Variants in EPHA10 observed in about 807,000 individuals in gnomAD.
EPHA10 encodes EPH receptor A10, also known as ephrin type-A receptor 10.
EPHA10 carries 120 observed loss-of-function variants against 109.7 expected under a neutral mutation model. The observed-to-expected ratio is 1.09, with a 90% confidence interval of 0.94 to 1.27. The LOEUF (loss-of-function observed/expected upper bound fraction) is 1.27. EPHA10 is among the 50% of genes most tolerant of loss of function. EPHA10 has a pLI of 0.00. For synonymous variants in EPHA10, 640 were observed against 618.9 expected, an observed-to-expected ratio of 1.03 and a Z score of -0.51; for missense variants, 1,396 against 1,411.1, an observed-to-expected ratio of 0.99 and a Z score of 0.17.
chr1:37,761,678 G>T lies in EPHA10; in HGVS notation c.577C>A (p.Gln193Lys). The change falls in exon 3 of 17, where the codon CAG becomes AAG. Residue 193 changes from glutamine to lysine, a missense_variant. Coordinates refer to ENST00000373048, the MANE Select transcript of EPHA10 (RefSeq NM_001099439.2). ...AGCGCCACGCATGCGCCCACGTCCT[G>T]AAAGGCCAGGTGGAAACCCCGCCGG... The part of the protein sequence containing the change: ...LSRRGFHLAF[Q>K]DVGACVALVS... 1.2e-6 allele frequency: 2 copies of T among 1,611,638 alleles called. No individual in the cohort carries two copies. Among genetic ancestry groups the T allele is most frequent in the Non-Finnish European group, 1.7e-6 (2 of 1,179,856 alleles).
At chr1:37,715,406 C>T (rs1015375760), downstream of EPHA10, among the ~76,000 whole-genome samples, 2 of 152,134 alleles carry the variant, frequency 1.3e-5, no homozygotes, top group African/African-American at 4.8e-5. Context: ...TCCCACTGCT[C>T]CCCTTCATCC....
chr1:37,718,209 AGG>A lies in EPHA10; in HGVS notation c.*161_*162del. On this transcript the variant is annotated 3_prime_UTR_variant, in exon 17 of 17. Coordinates refer to ENST00000373048, the MANE Select transcript of EPHA10 (RefSeq NM_001099439.2). ...TCAGACTCGTGAAAATGGGAGGGGC[AGG>A]CAGTGAAAGCGGGGAAGCTGTGGCC... is the stretch of plus-strand genomic sequence containing the variant. 1 of 637,136 alleles carries A rather than the reference AGG, an allele frequency of 1.6e-6. No individual in the cohort carries two copies. Among genetic ancestry groups the A allele is most frequent in the Non-Finnish European group, 2.8e-6 (1 of 360,576 alleles). 39.5% of individuals were successfully genotyped at this position (637,136 alleles called of 1,614,324 possible).
intron 5 of EPHA10, among the ~76,000 whole-genome samples, chr1:37,749,775 G>A (rs927699028): frequency 1.3e-4 from 20 of 152,096 alleles, no homozygotes; most frequent in African/African-American, 4.3e-4. Flanking sequence ...TCAGAAATGC[G>A]TTGTTAGGTG....
chr1:37,733,839 G>C (rs1314967329), intron 6 of EPHA10, among the ~76,000 whole-genome samples: 4 of 151,410 alleles, frequency 2.6e-5, no homozygotes, highest in Non-Finnish European at 5.9e-5. Context: ...TCCAAGCCAG[G>C]CCTCTCCCTT....
At chr1:37,743,883 T>C (rs1437096311) in intron 5 of EPHA10, among the ~76,000 whole-genome samples, 1 of 145,064 alleles carries the variant, frequency 6.9e-6, no homozygotes, top group African/African-American at 2.6e-5. Context: ...GGAACATCTG[T>C]GTATATATAG....
rs763641442 is a variant in EPHA10, at chr1:37,731,548, G to C, written c.1526C>G (p.Thr509Arg). ...GGTGACGGTGACTGTGGGCGCCCCT[G>C]TCTTCACCATGGAGTAAGTCTGCTC... ...QSEQTYSMVK[T>R]GAPTVTVTNL... is the part of the protein sequence containing the mutation. The change falls in exon 7 of 17, where the codon ACA (threonine) becomes AGA (arginine). Residue 509 changes from threonine (T) to arginine (R), a missense_variant. By Grantham distance (71) the Thr-to-Arg change is moderately conservative (BLOSUM62 -1). Coordinates refer to ENST00000373048, the MANE Select transcript of EPHA10 (RefSeq NM_001099439.2). The C allele has an allele frequency of 7.4e-6, 12 of 1,613,774 alleles. No individual in the cohort carries two copies. In the Admixed American group the frequency reaches 1.7e-4, roughly 22 times the overall value.
At chr1:37,722,699 G>T in intron 10 of EPHA10, 1 of 409,252 alleles carries the variant, frequency 2.4e-6, no homozygotes, top group Admixed American at 3.3e-5. Context: ...GGAGAGCCAG[G>T]ACTAGAACTC....
intron 16 of EPHA10, 68 bp downstream of exon 16, chr1:37,718,593 A>C (rs1427613726): frequency 2.1e-5 from 34 of 1,611,548 alleles, no homozygotes; most frequent in South Asian, 1.2e-4. Flanking sequence ...GGGACTCCCC[A>C]GTATAGGCAG....
chr1:37,715,051 T>C (rs1191199911), downstream of EPHA10: 1 of 152,314 alleles, frequency 6.6e-6, no homozygotes, highest in Non-Finnish European at 1.5e-5. Flanking sequence ...TTGTTGTTAT[T>C]TGTTTTTCTG....
At chr1:37,752,782 G>A in intron 5 of EPHA10, 94 bp downstream of exon 5, 3 of 771,076 alleles carry the variant, frequency 3.9e-6, no homozygotes, top group Middle Eastern at 5.8e-4. Context: ...GGGGTGGGTG[G>A]GTGGGGCTCC....
chr1:37,751,871 C>CAA (rs150137057), intron 5 of EPHA10, among the ~76,000 whole-genome samples: 170 of 127,620 alleles, frequency 1.3e-3, no homozygotes, highest in African/African-American at 2.8e-3. Context: ...GACTCTGTCT[C>CAA]AAAAAAAAAA....
At chr1:37,745,983 G>C (rs191706917) in intron 5 of EPHA10, among the ~76,000 whole-genome samples, 1 of 152,210 alleles carries the variant, frequency 6.6e-6, no homozygotes, top group East Asian at 1.9e-4. Flanking sequence ...CTGTAATCCG[G>C]TAAGAGCTGT....
At position 37,761,965 on chromosome 1, in the gene EPHA10, C is replaced by T. The variant is rs764448343; in HGVS notation, c.290G>A (p.Arg97His). The T allele has an allele frequency of 1.2e-6, 2 of 1,614,158 alleles. No individual in the cohort carries two copies. Among genetic ancestry groups the T allele is most frequent in the Non-Finnish European group, 1.7e-6 (2 of 1,180,022 alleles). The change falls in exon 3 of 17, where the codon CGC becomes CAC. Residue 97 changes from arginine to histidine, a missense_variant. Arg to His is a conservative substitution (Grantham distance 29). Transcript: ENST00000373048. The part of the protein sequence containing the change: ...WLQTGWISRG[R>H]GQRIFVELQF... ...CAGTTCCACGAAGATGCGCTGCCCGCGGCCACGGCTTATCCAGCCAGTCTG... is the reference window on the plus strand; with the variant it reads ...CAGTTCCACGAAGATGCGCTGCCCGTGGCCACGGCTTATCCAGCCAGTCTG...
intron 5 of EPHA10, 28 bp downstream of exon 5, chr1:37,752,848 T>C: frequency 8.1e-7 from 1 of 1,233,350 alleles, no homozygotes; most frequent in East Asian, 3.3e-5. Flanking sequence ...CGCGGTGGCC[T>C]CGGGGTGGGG....
chr1:37,726,091 G>A (rs1030196766), intron 8 of EPHA10, among the ~76,000 whole-genome samples: 8 of 152,222 alleles, frequency 5.3e-5, no homozygotes, highest in Non-Finnish European at 7.3e-5. Flanking sequence ...GCCTCTGCCC[G>A]GAAGAGGGGC....
chr1:37,742,872 G>C (rs1009996931), intron 5 of EPHA10, among the ~76,000 whole-genome samples: 3 of 152,108 alleles, frequency 2.0e-5, no homozygotes, highest in African/African-American at 7.2e-5. Context: ...TGGCATGCCT[G>C]CAGTCCTAGC....
At chr1:37,725,506 C>CAAAAA (rs536628850) in intron 8 of EPHA10, among the ~76,000 whole-genome samples, 81 of 56,310 alleles carry the variant, frequency 1.4e-3, no homozygotes, top group Non-Finnish European at 1.7e-3. Context: ...GGCTCCATCT[C>CAAAAA]AAAAAAAAAA....
At chr1:37,739,116 G>C (rs190714607) in intron 5 of EPHA10, among the ~76,000 whole-genome samples, 1 of 151,846 alleles carries the variant, frequency 6.6e-6, no homozygotes, top group Non-Finnish European at 1.5e-5. Context: ...AAACCTGCAC[G>C]CTGTGTACAT....
chr1:37,755,732 T>C (rs1289217092), intron 3 of EPHA10, among the ~76,000 whole-genome samples: 3 of 152,166 alleles, frequency 2.0e-5, no homozygotes, highest in Admixed American at 1.3e-4. Context: ...ACAATAATGA[T>C]AGTAATTACT....
Sources: gnomAD v4.1 joint callset for allele counts (sites outside exome capture counted in the v4.1 genomes callset) on GRCh38, gnomAD v4.1.1 for gene constraint, MANE v1.5 for transcripts, NCBI Gene and HGNC (gene_info 2026-07-23, HGNC 2026-07-21) for gene names.